BMPR2: variants seen among roughly 807,000 people sequenced by gnomAD.
BMPR2 encodes the protein bone morphogenetic protein receptor type-2.
A neutral mutation model predicts 100.8 loss-of-function variants in BMPR2; 29 were observed. The observed-to-expected ratio is 0.29, with a 90% CI of 0.21 to 0.39. The LOEUF (loss-of-function observed/expected upper bound fraction) is 0.39. Ranked by LOEUF, BMPR2 falls within the 10% of genes least tolerant of loss-of-function variation. The pLI is 1.00. For missense variants in BMPR2, 1,011 were observed against 1,274.5 expected, an observed-to-expected ratio of 0.79 and a Z score of 3.15; for synonymous variants, 382 against 442.3, an observed-to-expected ratio of 0.86 and a Z score of 1.71.
intron 1 of BMPR2, among the ~76,000 whole-genome samples, chr2:202,426,319 G>A (rs1446047008): frequency 1.3e-5 from 2 of 152,230 alleles, no homozygotes; most frequent in South Asian, 2.1e-4. Context: ...GGTGGCTCAC[G>A]CCTGTAATCC....
intron 1 of BMPR2, among the ~76,000 whole-genome samples, chr2:202,385,361 C>CTTTGTTTTTTTTT (rs1690404846): frequency 2.3e-5 from 2 of 86,340 alleles, no homozygotes; most frequent in South Asian, 3.8e-4. Flanking sequence ...AAAAAAGATG[C>CTTTGTTTTTTTTT]TTTTTTTTTT....
At chr2:202,541,022 T>C (rs1036138957) in intron 9 of BMPR2, among the ~76,000 whole-genome samples, 3 of 152,210 alleles carry the variant, frequency 2.0e-5, no homozygotes, top group Non-Finnish European at 4.4e-5. Context: ...TATCATATTT[T>C]GTAAAAATCA....
intron 9 of BMPR2, among the ~76,000 whole-genome samples, chr2:202,537,209 A>G (rs368326646): frequency 6.6e-6 from 1 of 152,178 alleles, no homozygotes; most frequent in African/African-American, 2.4e-5. Flanking sequence ...CAAGTATTGT[A>G]TTATCAGAAC....
At chr2:202,433,986 G>GA (rs2105933118) in intron 1 of BMPR2, among the ~76,000 whole-genome samples, 2 of 150,780 alleles carry the variant, frequency 1.3e-5, no homozygotes, top group South Asian at 4.1e-4. Flanking sequence ...AATTTGCAAG[G>GA]AAAAAATTAA....
chr2:202,443,972 A>G (rs928515056), intron 1 of BMPR2, among the ~76,000 whole-genome samples: 5 of 150,518 alleles, frequency 3.3e-5, no homozygotes, highest in Non-Finnish European at 7.3e-5. Flanking sequence ...GACTAATAAC[A>G]TAGTGGTACA....
chr2:202,474,747 T>G (rs1254144056), intron 3 of BMPR2: 1 of 152,116 alleles, frequency 6.6e-6, no homozygotes, highest in East Asian at 1.9e-4. Flanking sequence ...GGTCTCGATC[T>G]CCTGACCTCA....
At chr2:202,488,766 C>T (rs1353437783) in intron 3 of BMPR2, among the ~76,000 whole-genome samples, 3 of 152,054 alleles carry the variant, frequency 2.0e-5, no homozygotes, top group Non-Finnish European at 2.9e-5. Context: ...AATTTACTCT[C>T]ATAGTAATTT....
rs1212186119 is a variant in BMPR2, at chr2:202,503,261, G to T, written c.419-10458G>T. On this transcript the variant is annotated intron_variant, in intron 3 of 12. Transcript: ENST00000374580. This position sits in a 1 kb window ranked among gnomAD's most constrained non-coding sequence, Gnocchi z 4.0. ...GCCCTCGCTCACTCTCAGCGCCTCT[G>T]CCTGGGCTCCCACTTTGGCGGCACT... 6.6e-6 allele frequency among the ~76,000 whole-genome samples: 1 copy of T among 152,236 alleles called. No individual in the cohort carries two copies. Among genetic ancestry groups the T allele is most frequent in the Non-Finnish European group, 1.5e-5 (1 of 68,038 alleles).
intron 10 of BMPR2, among the ~76,000 whole-genome samples, chr2:202,545,712 T>C (rs1688364498): frequency 6.6e-6 from 1 of 152,188 alleles, no homozygotes; most frequent in African/African-American, 2.4e-5. Flanking sequence ...ACTTTCAAGT[T>C]TGGCTTCTGT....
At chr2:202,457,344 C>T (rs557315100) in intron 1 of BMPR2, among the ~76,000 whole-genome samples, 17 of 150,502 alleles carry the variant, frequency 1.1e-4, no homozygotes, top group African/African-American at 3.7e-4. Flanking sequence ...TTTTTTTGTG[C>T]TCAGCCTTAA....
At chr2:202,410,318 A>G (rs1690987703) in intron 1 of BMPR2, among the ~76,000 whole-genome samples, 1 of 152,108 alleles carries the variant, frequency 6.6e-6, no homozygotes, top group African/African-American at 2.4e-5. Flanking sequence ...ATTCTCCACT[A>G]ATAAGAACCC....
intron 10 of BMPR2, among the ~76,000 whole-genome samples, chr2:202,549,042 C>T (rs62194114): frequency 0.073 from 11,178 of 152,170 alleles, 529 homozygotes; most frequent in Middle Eastern, 0.11. Context: ...TCAACTTTCT[C>T]TATCCCCCAT....
chr2:202,556,981 A>G (rs1688586114), intron 12 of BMPR2, among the ~76,000 whole-genome samples: 1 of 151,198 alleles, frequency 6.6e-6, no homozygotes, highest in Admixed American at 6.6e-5. Flanking sequence ...CGAGATCACG[A>G]CACTTCACTC....
chr2:202,542,163 A>G (rs968328615), intron 9 of BMPR2, 148 bp from the exon 10 acceptor site: 10 of 912,204 alleles, frequency 1.1e-5, no homozygotes, highest in African/African-American at 1.0e-4. Flanking sequence ...TCTCTTTAGG[A>G]TTTCCAAATG....
intron 10 of BMPR2, among the ~76,000 whole-genome samples, chr2:202,543,701 T>C (rs1369319438): frequency 6.6e-6 from 1 of 152,176 alleles, no homozygotes; most frequent in African/African-American, 2.4e-5. Context: ...TCTCGTTTAC[T>C]TTCTCCCAGT....
rs1328634375 is a variant in BMPR2 at position 202,566,430 on chromosome 2, AT to A, written c.*6486del. On this transcript the variant is annotated 3_prime_UTR_variant, in exon 13 of 13. Coordinates refer to ENST00000374580, the MANE Select transcript of BMPR2 (RefSeq NM_001204.7). ...ATAGATATAATATCAGATTTCATTA[AT>A]TATAAAAAGTTGCCCAGTTCTGTAA... The A allele has an allele frequency of 6.6e-6, 1 of 152,628 alleles. No individual in the cohort carries two copies. The highest frequency in any genetic ancestry group is 1.5e-5 in the Non-Finnish European group (1 of 68,014). The allele number at this position is 152,628 out of a possible 1,614,324, so 9.5% of individuals were successfully genotyped here.
At chr2:202,378,657 G>A (rs1200002441) in intron 1 of BMPR2, among the ~76,000 whole-genome samples, 1 of 152,110 alleles carries the variant, frequency 6.6e-6, no homozygotes, top group African/African-American at 2.4e-5. Flanking sequence ...GTTGATTAAT[G>A]TCTGTTAAAT....
At chr2:202,402,010 G>A (rs1319407424) in intron 1 of BMPR2, among the ~76,000 whole-genome samples, 1 of 152,160 alleles carries the variant, frequency 6.6e-6, no homozygotes, top group Non-Finnish European at 1.5e-5. Context: ...TGTCTTTTAG[G>A]GGAAGGCTGT....
chr2:202,456,847 C>T (rs543185700), intron 1 of BMPR2, among the ~76,000 whole-genome samples: 1 of 152,110 alleles, frequency 6.6e-6, no homozygotes, highest in Non-Finnish European at 1.5e-5. Flanking sequence ...TTTCATATAT[C>T]TCTGCTACTC....
Sources: gnomAD v4.1 joint callset for allele counts (sites outside exome capture counted in the v4.1 genomes callset) on GRCh38, gnomAD v4.1.1 for gene constraint, Gnocchi (gnomAD v3.1) non-coding constraint, MANE v1.5 for transcripts, NCBI Gene and HGNC (gene_info 2026-07-23, HGNC 2026-07-21) for gene names.